Variants in SLC35F3 observed in about 807,000 individuals in gnomAD.
SLC35F3 encodes solute carrier family 35 member F3, also known as putative thiamine transporter SLC35F3.
SLC35F3 carries 25 observed loss-of-function variants against 49.9 expected under a neutral mutation model. The ratio of observed to expected loss-of-function variants is 0.50; its 90% CI spans 0.37 to 0.70. The LOEUF is 0.70. Ranked by LOEUF, SLC35F3 falls within the 30% of genes least tolerant of loss-of-function variation. The pLI is 0.00. For missense variants in SLC35F3, 525 were observed against 639.8 expected (o/e 0.82, Z 1.94); for synonymous variants, 275 against 265.4 (o/e 1.04, Z -0.35).
chr1:234,047,068 AG>A (rs1664301189), intron 2 of SLC35F3, among the ~76,000 whole-genome samples: 1 of 152,212 alleles, frequency 6.6e-6, no homozygotes, highest in Non-Finnish European at 1.5e-5. Context: ...GAACTTGTCA[AG>A]TTTTGTAGAA....
At chr1:233,973,614 G>A (rs1304534975) in intron 2 of SLC35F3, among the ~76,000 whole-genome samples, 1 of 152,168 alleles carries the variant, frequency 6.6e-6, no homozygotes, top group African/African-American at 2.4e-5. Context: ...GAAGTCTGTA[G>A]GTACAATTTA....
chr1:234,074,398 T>C (rs1053101014), intron 2 of SLC35F3, among the ~76,000 whole-genome samples: 2 of 152,226 alleles, frequency 1.3e-5, no homozygotes, highest in Non-Finnish European at 2.9e-5. Flanking sequence ...ATGTCAAGTA[T>C]AAGAGGCAAC....
intron 2 of SLC35F3, among the ~76,000 whole-genome samples, chr1:234,026,288 T>C (rs1022463275): frequency 2.0e-5 from 3 of 152,196 alleles, no homozygotes; most frequent in Non-Finnish European, 4.4e-5. Flanking sequence ...GGGCTCTTCT[T>C]TGGTTCAGTA....
At chr1:233,912,216 A>T (rs1220781217) in intron 2 of SLC35F3, among the ~76,000 whole-genome samples, 1 of 152,182 alleles carries the variant, frequency 6.6e-6, no homozygotes, top group Non-Finnish European at 1.5e-5. Context: ...GCGGTGGCTC[A>T]TGCCTGTAAT....
At chr1:233,954,953 C>T (rs182780332) in intron 2 of SLC35F3, among the ~76,000 whole-genome samples, 16 of 152,290 alleles carry the variant, frequency 1.1e-4, no homozygotes, top group Admixed American at 9.1e-4. Context: ...CAGCGATTCT[C>T]GTGCCTTGGC....
chr1:234,064,372 CT>C (rs1046299164), intron 2 of SLC35F3, among the ~76,000 whole-genome samples: 34 of 152,260 alleles, frequency 2.2e-4, no homozygotes, highest in African/African-American at 6.3e-4. Flanking sequence ...CAAAATATAT[CT>C]TATTATAATT....
At chr1:234,121,133 C>CTTTTTT (rs66702949) in intron 2 of SLC35F3, among the ~76,000 whole-genome samples, 4 of 102,782 alleles carry the variant, frequency 3.9e-5, no homozygotes, top group Non-Finnish European at 7.7e-5. Context: ...TGAAAAATTA[C>CTTTTTT]TTTTTTTTTT....
chr1:234,117,956 G>A (rs1444242345), intron 2 of SLC35F3, among the ~76,000 whole-genome samples: 916 of 28,288 alleles, frequency 0.032, 47 homozygotes, highest in African/African-American at 0.086. Flanking sequence ...GTGTGTGTGT[G>A]TGTGTGTGTA....
At chr1:234,077,781 C>T (rs1388009135) in intron 2 of SLC35F3, among the ~76,000 whole-genome samples, 1 of 150,648 alleles carries the variant, frequency 6.6e-6, no homozygotes, top group Non-Finnish European at 1.5e-5. Flanking sequence ...AACAGCGACC[C>T]CTCTCAATTC....
chr1:234,293,298 T>C (rs1668537444), intron 3 of SLC35F3, among the ~76,000 whole-genome samples: 2 of 152,178 alleles, frequency 1.3e-5, no homozygotes, highest in Admixed American at 1.3e-4. Flanking sequence ...GCAGGAGCCC[T>C]GAGGATGGCA....
intron 2 of SLC35F3, among the ~76,000 whole-genome samples, chr1:234,086,290 C>T (rs553583026): frequency 6.6e-6 from 1 of 152,252 alleles, no homozygotes; most frequent in African/African-American, 2.4e-5. Flanking sequence ...AAGGTGCATT[C>T]TGAGGAACGG....
intron 2 of SLC35F3, among the ~76,000 whole-genome samples, chr1:234,055,207 G>C (rs1234839909): frequency 6.6e-6 from 1 of 152,184 alleles, no homozygotes; most frequent in Non-Finnish European, 1.5e-5. Flanking sequence ...AGAAGTTTCT[G>C]TTGCCTTTTG....
chr1:234,262,177 A>G (rs1267022393), intron 3 of SLC35F3, among the ~76,000 whole-genome samples: 1 of 152,228 alleles, frequency 6.6e-6, no homozygotes, highest in African/African-American at 2.4e-5. Flanking sequence ...GGAGGGAGTT[A>G]CTTTAGGAAA....
chr1:234,139,674 G>T (rs1418397781), intron 2 of SLC35F3, among the ~76,000 whole-genome samples: 1 of 152,108 alleles, frequency 6.6e-6, no homozygotes, highest in Non-Finnish European at 1.5e-5. Flanking sequence ...ACTTGGCCCG[G>T]TGCGGTGTCT....
intron 3 of SLC35F3, among the ~76,000 whole-genome samples, chr1:234,299,479 C>T (rs1270517998): frequency 6.6e-6 from 1 of 152,122 alleles, no homozygotes; most frequent in African/African-American, 2.4e-5. Flanking sequence ...CAGAGCCCTA[C>T]AATTTTCTTT....
intron 2 of SLC35F3, among the ~76,000 whole-genome samples, chr1:234,107,048 A>T (rs1316807287): frequency 1.3e-5 from 2 of 152,226 alleles, no homozygotes; most frequent in Non-Finnish European, 2.9e-5. Flanking sequence ...ACAACAACAA[A>T]AACATTCTCT....
At chr1:234,313,610 G>T (rs913159626) in intron 4 of SLC35F3, among the ~76,000 whole-genome samples, 1 of 152,076 alleles carries the variant, frequency 6.6e-6, no homozygotes, top group Non-Finnish European at 1.5e-5. Context: ...TTGAGGGCTG[G>T]GGGGGACAGG....
intron 2 of SLC35F3, among the ~76,000 whole-genome samples, chr1:234,068,823 T>TTTTTTATATATA (rs1553302354): frequency 1.4e-5 from 1 of 71,184 alleles, no homozygotes; most frequent in African/African-American, 5.9e-5. Flanking sequence ...ATTTGAGACA[T>TTTTTTATATATA]TATATATATA....
chr1:234,087,877 T>C (rs1008898409), intron 2 of SLC35F3, among the ~76,000 whole-genome samples: 1 of 152,192 alleles, frequency 6.6e-6, no homozygotes, highest in Non-Finnish European at 1.5e-5. Flanking sequence ...ACAACATTCT[T>C]CTGCCTGCAC....
Sources: gnomAD v4.1 joint callset for allele counts (sites outside exome capture counted in the v4.1 genomes callset) on GRCh38, gnomAD v4.1.1 for gene constraint, MANE v1.5 for transcripts, NCBI Gene and HGNC (gene_info 2026-07-23, HGNC 2026-07-21) for gene names.